KLHL29: variants seen among roughly 807,000 people sequenced by gnomAD.
KLHL29 encodes the protein kelch like family member 29, also known as kelch-like protein 29.
A neutral mutation model predicts 80.4 loss-of-function variants in KLHL29; 21 were observed. That is an observed-to-expected ratio of 0.26 (90% CI 0.19 to 0.38). KLHL29 has a LOEUF of 0.38. Among genes scored for constraint, KLHL29 ranks in the 10% least tolerant of loss-of-function variants. KLHL29 has a pLI of 1.00. For synonymous variants in KLHL29, 511 were observed against 526.8 expected, an observed-to-expected ratio of 0.97 and a Z score of 0.41; for missense variants, 867 against 1,223.9, an observed-to-expected ratio of 0.71 and a Z score of 4.35.
At chr2:23,587,427 A>G (rs932580179) in intron 3 of KLHL29, among the ~76,000 whole-genome samples, 2 of 151,970 alleles carry the variant, frequency 1.3e-5, no homozygotes, top group Non-Finnish European at 2.9e-5. Context: ...GTCAGAGGAA[A>G]TTTGCTGTTC....
At chr2:23,618,939 C>T (rs1669094794) in intron 3 of KLHL29, among the ~76,000 whole-genome samples, 1 of 152,214 alleles carries the variant, frequency 6.6e-6, no homozygotes, top group African/African-American at 2.4e-5. Flanking sequence ...ACATCAGAGG[C>T]CGTGAACTGT....
At chr2:23,507,684 A>T (rs1402097799) in intron 2 of KLHL29, among the ~76,000 whole-genome samples, 1 of 152,102 alleles carries the variant, frequency 6.6e-6, no homozygotes, top group Non-Finnish European at 1.5e-5. Flanking sequence ...AGCAGTTTGG[A>T]GGGACCTGGC....
At chr2:23,673,179 A>G (rs12713004) in intron 5 of KLHL29, among the ~76,000 whole-genome samples, 98,996 of 151,772 alleles carry the variant, frequency 0.65, 34,505 homozygotes, top group East Asian at 0.93. Flanking sequence ...ACAGACACGC[A>G]CCCATGCCAC....
chr2:23,640,063 G>C (rs1669723576), intron 4 of KLHL29, among the ~76,000 whole-genome samples: 1 of 152,106 alleles, frequency 6.6e-6, no homozygotes, highest in African/African-American at 2.4e-5. Flanking sequence ...CACGTCACAT[G>C]CTGCTTCAAC....
intron 1 of KLHL29, among the ~76,000 whole-genome samples, chr2:23,459,633 G>A (rs79722271): frequency 0.012 from 1,840 of 152,332 alleles, 29 homozygotes; most frequent in African/African-American, 0.041. Flanking sequence ...GCCTGTATGC[G>A]CAGGCACAGT....
intron 1 of KLHL29, among the ~76,000 whole-genome samples, chr2:23,471,397 T>TCTATCA (rs1426013366): frequency 1.2e-4 from 18 of 152,348 alleles, no homozygotes; most frequent in African/African-American, 4.3e-4. Flanking sequence ...GTTTGGTTCA[T>TCTATCA]GTTAGGAACT....
Position 23,385,338 on chromosome 2 carries a change from C to A in KLHL29, c.-596C>A. 1 of 146,534 alleles carries A rather than the reference C, an allele frequency of 6.8e-6. No individual in the cohort carries two copies. Among genetic ancestry groups the A allele is most frequent in the South Asian group, 1.8e-4 (1 of 5,598 alleles). The allele number at this position is 146,534 out of a possible 1,614,324, so 9.1% of individuals were successfully genotyped here. A position where few individuals can be genotyped will look rare whatever the true frequency, so the allele number is the denominator to read the frequency against. On this transcript the variant is annotated 5_prime_UTR_variant, in exon 1 of 14. Coordinates refer to ENST00000486442, the MANE Select transcript of KLHL29 (RefSeq NM_052920.2). ...AGCGCCCGTCCGCAGCCCCGGCGGT[C>A]GCCGCGCTTGAGCGCAGCCCCCGCC...
chr2:23,659,343 G>A (rs989698589), intron 5 of KLHL29, among the ~76,000 whole-genome samples: 1 of 152,196 alleles, frequency 6.6e-6, no homozygotes, highest in Non-Finnish European at 1.5e-5. Context: ...AAGTAGGTAT[G>A]TTCATGACCT....
chr2:23,401,723 T>A (rs1200620333), intron 1 of KLHL29, among the ~76,000 whole-genome samples: 3 of 152,224 alleles, frequency 2.0e-5, no homozygotes. Context: ...GCAGAGGGAC[T>A]ATCTGCTGGT....
chr2:23,697,917 G>A (rs1558447955), intron 11 of KLHL29: 1 of 152,232 alleles, frequency 6.6e-6, no homozygotes, highest in Non-Finnish European at 1.5e-5. Flanking sequence ...CATTTTCTCT[G>A]TAGGAGTAAA....
At chr2:23,637,666 C>T (rs868723567) in intron 3 of KLHL29, among the ~76,000 whole-genome samples, 31 of 152,116 alleles carry the variant, frequency 2.0e-4, no homozygotes, top group Admixed American at 1.8e-3. Flanking sequence ...CTGCACTATG[C>T]GTCGAAGCCC....
chr2:23,574,133 C>T (rs1667785181), intron 3 of KLHL29, among the ~76,000 whole-genome samples: 1 of 152,198 alleles, frequency 6.6e-6, no homozygotes, highest in African/African-American at 2.4e-5. Context: ...CGATTTGCCA[C>T]TGTCTTCCCT....
At chr2:23,579,318 G>A (rs563458034) in intron 3 of KLHL29, among the ~76,000 whole-genome samples, 42 of 152,134 alleles carry the variant, frequency 2.8e-4, no homozygotes, top group Non-Finnish European at 3.5e-4. Flanking sequence ...TTTTTACTTC[G>A]AAGCCTGTGA....
chr2:23,628,477 G>GAGTCGCTGGGCTCACAATTAATGTT (rs1669380489), intron 3 of KLHL29, among the ~76,000 whole-genome samples: 1 of 152,148 alleles, frequency 6.6e-6, no homozygotes, highest in South Asian at 2.1e-4. Flanking sequence ...ATGCAGGCCT[G>GAGTCGCTGGGCTCACAATTAATGTT]AGTCGCTGGG....
intron 5 of KLHL29, among the ~76,000 whole-genome samples, chr2:23,670,441 C>T (rs1269776454): frequency 6.6e-6 from 1 of 152,028 alleles, no homozygotes; most frequent in African/African-American, 2.4e-5. Context: ...GTGCCTGCTA[C>T]ACAGGGGCAC....
At chr2:23,414,178 A>C (rs1666929012) in intron 1 of KLHL29, among the ~76,000 whole-genome samples, 1 of 152,252 alleles carries the variant, frequency 6.6e-6, no homozygotes, top group Non-Finnish European at 1.5e-5. Flanking sequence ...TGTGGAGGAC[A>C]GAGATGAGTT....
chr2:23,587,091 C>T (rs1227767645), intron 3 of KLHL29, among the ~76,000 whole-genome samples: 2 of 152,140 alleles, frequency 1.3e-5, no homozygotes, highest in African/African-American at 2.4e-5. Flanking sequence ...CCTTTCATGT[C>T]GCTCCTTTTA....
At chr2:23,419,254 G>A (rs923307234) in intron 1 of KLHL29, among the ~76,000 whole-genome samples, 8 of 152,234 alleles carry the variant, frequency 5.3e-5, no homozygotes, top group Admixed American at 2.6e-4. Flanking sequence ...CCTCTGGCCA[G>A]AACTGTCCCG....
At chr2:23,437,061 C>T (rs1290901431) in intron 1 of KLHL29, among the ~76,000 whole-genome samples, 1 of 152,192 alleles carries the variant, frequency 6.6e-6, no homozygotes, top group Admixed American at 6.5e-5. Flanking sequence ...ATAATCATTC[C>T]CCTTTGCTAG....
Sources: allele counts gnomAD v4.1 joint callset (sites outside exome capture counted in the v4.1 genomes callset), GRCh38; gene constraint gnomAD v4.1.1; transcripts MANE v1.5; gene names NCBI Gene and HGNC (gene_info 2026-07-23, HGNC 2026-07-21).